The following TAFA1 variants were observed in gnomAD, a reference collection of about 807,000 sequenced individuals.
TAFA1 encodes the protein TAFA chemokine like family member 1.
In TAFA1, 4 loss-of-function variants were observed where a neutral mutation model predicts 18.5. The ratio of observed to expected loss-of-function variants is 0.22; its 90% CI spans 0.11 to 0.49. The LOEUF is 0.49. Ranked by LOEUF, TAFA1 falls within the 20% of genes least tolerant of loss-of-function variation. The probability of loss-of-function intolerance (pLI) is 0.98; values close to 1 mark genes in which losing one functional copy is unlikely to be tolerated. For synonymous variants in TAFA1, 56 were observed against 55.2 expected (o/e 1.01, Z -0.06); for missense variants, 147 against 169.0 (o/e 0.87, Z 0.72).
intron 2 of TAFA1, among the ~76,000 whole-genome samples, chr3:68,037,379 C>T (rs1489946616): frequency 6.6e-6 from 1 of 152,140 alleles, no homozygotes; most frequent in Non-Finnish European, 1.5e-5. Context: ...TCTTAGAAGC[C>T]TGTAATGAAG....
intron 2 of TAFA1, among the ~76,000 whole-genome samples, chr3:68,400,254 AG>A (rs1176368172): frequency 6.6e-6 from 1 of 152,216 alleles, no homozygotes; most frequent in Admixed American, 6.5e-5. Context: ...ATAGGCAAGC[AG>A]GAACAGTGGA....
At chr3:68,418,378 G>T (rs2070884501) in intron 3 of TAFA1, among the ~76,000 whole-genome samples, 1 of 151,836 alleles carries the variant, frequency 6.6e-6, no homozygotes, top group South Asian at 2.1e-4. Flanking sequence ...TTTGAGCCAG[G>T]ATGAGCCAGG....
At chr3:68,477,609 G>T (rs1009677269) in intron 3 of TAFA1, among the ~76,000 whole-genome samples, 3 of 152,010 alleles carry the variant, frequency 2.0e-5, no homozygotes, top group Admixed American at 2.0e-4. Flanking sequence ...TCAACCTCCT[G>T]TCCTCAAGTC....
chr3:68,115,769 A>T (rs1307454715), intron 2 of TAFA1, among the ~76,000 whole-genome samples: 1 of 152,104 alleles, frequency 6.6e-6, no homozygotes, highest in Non-Finnish European at 1.5e-5. Context: ...TCCCCATCCT[A>T]TTTTTTTGTG....
intron 3 of TAFA1, among the ~76,000 whole-genome samples, chr3:68,459,486 A>T (rs929847103): frequency 6.2e-5 from 4 of 64,624 alleles, no homozygotes; most frequent in African/African-American, 4.2e-4. Flanking sequence ...TCTGTTTTTT[A>T]ACGCACTAGA....
intron 2 of TAFA1, among the ~76,000 whole-genome samples, chr3:68,335,485 C>T (rs1362950960): frequency 6.6e-6 from 1 of 152,132 alleles, no homozygotes; most frequent in Non-Finnish European, 1.5e-5. Context: ...ACTTTATACT[C>T]CTTTAAGTTT....
chr3:68,478,381 A>G (rs1306899491), intron 3 of TAFA1, among the ~76,000 whole-genome samples: 1 of 152,232 alleles, frequency 6.6e-6, no homozygotes, highest in Admixed American at 6.5e-5. Context: ...GAGATAAAAC[A>G]TCTAACAGCA....
intron 2 of TAFA1, among the ~76,000 whole-genome samples, chr3:68,296,826 G>C (rs753253513): frequency 5.3e-5 from 8 of 152,142 alleles, no homozygotes; most frequent in Non-Finnish European, 1.0e-4. Flanking sequence ...GTTATCACTG[G>C]GGAGACCTGT....
chr3:68,147,388 C>G (rs73834855), intron 2 of TAFA1, among the ~76,000 whole-genome samples: 1 of 151,932 alleles, frequency 6.6e-6, no homozygotes, highest in African/African-American at 2.4e-5. Context: ...AAAAAGGCTG[C>G]AAAATATCCC....
chr3:68,428,476 C>T (rs1190150406), intron 3 of TAFA1, among the ~76,000 whole-genome samples: 3 of 151,716 alleles, frequency 2.0e-5, no homozygotes, highest in Non-Finnish European at 4.4e-5. Context: ...GCATAGGTGA[C>T]CCCCAGGAAA....
At chr3:68,264,424 G>A (rs2067500155) in intron 2 of TAFA1, among the ~76,000 whole-genome samples, 1 of 152,132 alleles carries the variant, frequency 6.6e-6, no homozygotes, top group Non-Finnish European at 1.5e-5. Flanking sequence ...TTATGTGTCT[G>A]CAAAACTTAC....
intron 2 of TAFA1, among the ~76,000 whole-genome samples, chr3:68,304,111 C>T (rs2068362359): frequency 6.6e-6 from 1 of 151,996 alleles, no homozygotes; most frequent in Non-Finnish European, 1.5e-5. Flanking sequence ...ATGAAGGTGT[C>T]TAAAAGCATG....
rs544194563 is a variant in TAFA1, at chr3:68,279,113, C to T, written c.119-138167C>T. 7.9e-5 allele frequency among the ~76,000 whole-genome samples: 12 copies of T among 152,258 alleles called. No homozygotes were observed. In the East Asian group the frequency reaches 1.4e-3, roughly 17 times the overall value. On this transcript the variant is annotated intron_variant, in intron 2 of 4. Transcript: ENST00000478136. ...TGGTTGTGAAGTAAAATTAATCAGC[C>T]ATGTCTAACCTAGAACCAAGGCCTT... is the stretch of plus-strand genomic sequence containing the variant.
chr3:68,293,012 T>G (rs1253266727), intron 2 of TAFA1, among the ~76,000 whole-genome samples: 1 of 150,768 alleles, frequency 6.6e-6, no homozygotes, highest in African/African-American at 2.5e-5. Context: ...TCCTGTACCT[T>G]TTTTAGACTG....
Position 68,394,027 on chromosome 3 carries a change from G to T in TAFA1, c.119-23253G>T, listed in dbSNP as rs544363446. On this transcript the variant is annotated intron_variant, in intron 2 of 4. Transcript: ENST00000478136. ...AGTTCTAGCCAGGGCAATCAGTCAAGAGAAAGAAATATGCATTTAGAAAAC... is the reference window on the plus strand; with the variant it reads ...AGTTCTAGCCAGGGCAATCAGTCAATAGAAAGAAATATGCATTTAGAAAAC... Among the ~76,000 whole-genome samples the T allele has an allele frequency of 2.0e-5, 3 of 150,450 alleles. No individual in the cohort carries two copies. In the East Asian group the frequency reaches 5.9e-4, roughly 30 times the overall value.
At chr3:68,208,143 T>A (rs2066548730) in intron 2 of TAFA1, among the ~76,000 whole-genome samples, 1 of 152,032 alleles carries the variant, frequency 6.6e-6, no homozygotes, top group Non-Finnish European at 1.5e-5. Context: ...ATGTAATCAC[T>A]GCTGTATGAA....
intron 2 of TAFA1, among the ~76,000 whole-genome samples, chr3:68,243,454 G>A (rs2067028245): frequency 6.6e-6 from 1 of 151,916 alleles, no homozygotes; most frequent in Non-Finnish European, 1.5e-5. Flanking sequence ...CCCCTTCATA[G>A]CCATACCTAC....
At chr3:68,199,536 A>G (rs2066449117) in intron 2 of TAFA1, among the ~76,000 whole-genome samples, 1 of 151,498 alleles carries the variant, frequency 6.6e-6, no homozygotes, top group South Asian at 2.1e-4. Flanking sequence ...ATTTCTTTCA[A>G]CAGAATTTTA....
chr3:68,446,028 A>G (rs1488871797), intron 3 of TAFA1, among the ~76,000 whole-genome samples: 1 of 152,070 alleles, frequency 6.6e-6, no homozygotes, highest in Non-Finnish European at 1.5e-5. Context: ...TAGTCTCCAA[A>G]GTAGCTGGGA....
Sources: allele counts gnomAD v4.1 joint callset (sites outside exome capture counted in the v4.1 genomes callset), GRCh38; gene constraint gnomAD v4.1.1; transcripts MANE v1.5; gene names NCBI Gene and HGNC (gene_info 2026-07-23, HGNC 2026-07-21).